The following NLRP7 variants were observed in gnomAD, a reference collection of about 807,000 sequenced individuals.
The protein encoded by NLRP7 is NACHT, LRR and PYD domains-containing protein 7.
A neutral mutation model predicts 85.5 loss-of-function variants in NLRP7; 72 were observed. The ratio of observed to expected loss-of-function variants is 0.84; its 90% CI spans 0.70 to 1.02. The LOEUF is 1.02. Ranked by LOEUF, NLRP7 falls within the 50% of genes least tolerant of loss-of-function variation. NLRP7 has a pLI of 0.00. For missense variants in NLRP7, 1,243 were observed against 1,219.5 expected, an observed-to-expected ratio of 1.02 and a Z score of -0.29; for synonymous variants, 550 against 505.2, an observed-to-expected ratio of 1.09 and a Z score of -1.19.
At chr19:54,941,097 C>T (rs2069200754) in intron 2 of NLRP7, 92 bp from the exon 3 acceptor site, 2 of 957,864 alleles carry the variant, frequency 2.1e-6, no homozygotes, top group South Asian at 1.3e-5. Flanking sequence ...GGCATGGTGG[C>T]TCATGCCTGT....
At chr19:54,947,770 G>T, upstream of NLRP7, 2 of 682,592 alleles carry the variant, frequency 2.9e-6, no homozygotes, top group South Asian at 1.5e-5. Context: ...TAGACCACCC[G>T]GGCCAGGTGT....
In NLRP7 at chr19:54,927,521, A is replaced by C. The variant is rs530927822; in HGVS notation, c.2810+2978T>G. On this transcript the variant is annotated intron_variant, in intron 9 of 9. Coordinates refer to ENST00000340844, the Ensembl canonical transcript of NLRP7. ...CGGTGAGCCAAGATTGCGCCACTGC[A>C]CTCCAGCCTGAATGACAGAGCACGA... 2.1e-4 allele frequency: 295 copies of C among 1,386,756 alleles called. No homozygotes were observed. In the African/African-American group the frequency reaches 3.6e-3, roughly 17 times the overall value. The allele number at this position is 1,386,756 out of a possible 1,614,324, so 85.9% of individuals were successfully genotyped here. A position where few individuals can be genotyped will look rare whatever the true frequency, so the allele number is the denominator to read the frequency against.
At chr19:54,924,004 G>T in intron 9 of NLRP7, 132 bp from the exon 11 acceptor site, 2 of 977,538 alleles carry the variant, frequency 2.0e-6, no homozygotes, top group Non-Finnish European at 3.1e-6. Context: ...GTCTTGCTCT[G>T]TTGCCCAGGC....
intron 9 of NLRP7, among the ~76,000 whole-genome samples, chr19:54,926,234 G>GCA (rs1569538880): frequency 6.7e-6 from 1 of 149,168 alleles, no homozygotes; most frequent in Non-Finnish European, 1.5e-5. Flanking sequence ...GTGTGCTCAT[G>GCA]CACACACATA....
chr19:54,964,304 C>T (rs1473578051), intron 1 of NLRP7, among the ~76,000 whole-genome samples: 1 of 144,192 alleles, frequency 6.9e-6, no homozygotes, highest in African/African-American at 2.6e-5. Flanking sequence ...GCAAGCTCCG[C>T]CTCCCGGGTT....
exon 2 of NLRP7, chr19:54,941,619 A>G (rs769623747): frequency 1.2e-6 from 2 of 1,614,026 alleles, no homozygotes; most frequent in Admixed American, 3.3e-5. Flanking sequence ...CGAGGGGAAA[A>G]GCCCATAAAA....
At chr19:54,957,947 G>A (rs1010896839) in intron 1 of NLRP7, among the ~76,000 whole-genome samples, 2 of 152,088 alleles carry the variant, frequency 1.3e-5, no homozygotes, top group African/African-American at 4.8e-5. Flanking sequence ...CGGGCACGGT[G>A]TCTCACGCCT....
chr19:54,940,947 C>G lies in NLRP7; in HGVS notation c.336G>C (p.Ser112=), dbSNP rs766338217. The G allele has an allele frequency of 4.0e-5, 65 of 1,611,892 alleles. No individual in the cohort carries two copies. In the South Asian group the frequency reaches 6.7e-4, roughly 17 times the overall value. Reference sequence around the variant, plus strand: ...TTTACCCACCTGGCTTTGCTAACTCCGAGTCTTCTTCTGCATCTCCCAGCT... The same window carrying G: ...TTTACCCACCTGGCTTTGCTAACTCGGAGTCTTCTTCTGCATCTCCCAGCT... Residue 112 remains serine, a synonymous_variant, in exon 3 of 10, where the codon TCG becomes TCC. Coordinates refer to ENST00000340844, the Ensembl canonical transcript of NLRP7.
At chr19:54,952,651 C>T (rs1428586933) in intron 1 of NLRP7, among the ~76,000 whole-genome samples, 1 of 151,934 alleles carries the variant, frequency 6.6e-6, no homozygotes, top group Non-Finnish European at 1.5e-5. Flanking sequence ...GAGGTTTCCT[C>T]CCATCTCCTC....
exon 2 of NLRP7, chr19:54,941,435 C>G: frequency 1.3e-6 from 2 of 1,557,212 alleles, no homozygotes; most frequent in Non-Finnish European, 1.8e-6. Flanking sequence ...TTCTACTTAC[C>G]CATCATCTCA....
chr19:54,961,011 G>T (rs940734815), intron 1 of NLRP7, among the ~76,000 whole-genome samples: 21 of 152,156 alleles, frequency 1.4e-4, no homozygotes, highest in African/African-American at 5.1e-4. Context: ...CTGAGTGGTG[G>T]TGAAATTGCT....
chr19:54,954,493 G>GCA (rs1251842879), intron 1 of NLRP7, among the ~76,000 whole-genome samples: 2 of 115,046 alleles, frequency 1.7e-5, no homozygotes, highest in African/African-American at 7.4e-5. Context: ...TAGTGCCACT[G>GCA]CACTCTGGCC....
chr19:54,958,568 C>T (rs911368752), intron 1 of NLRP7, among the ~76,000 whole-genome samples: 1 of 152,018 alleles, frequency 6.6e-6, no homozygotes. Context: ...TCGCTTGAAC[C>T]CGGGAGGCAA....
chr19:54,938,150 T>C (rs778353219), exon 5 of NLRP7: 1 of 1,614,064 alleles, frequency 6.2e-7, no homozygotes, highest in Non-Finnish European at 8.5e-7. Context: ...TTGAGGTTGC[T>C]GTTTGAGCTG....
chr19:54,939,625 G>A, exon 4 of NLRP7: 1 of 1,611,132 alleles, frequency 6.2e-7, no homozygotes, highest in Non-Finnish European at 8.5e-7. Context: ...ACCGGCTGCA[G>A]AGGAAACGCA....
At chr19:54,950,944 C>T (rs1257238075), upstream of NLRP7, among the ~76,000 whole-genome samples, 1 of 152,236 alleles carries the variant, frequency 6.6e-6, no homozygotes, top group Non-Finnish European at 1.5e-5. Flanking sequence ...GCAGAGGTCC[C>T]TGCGGCCTTC....
In NLRP7 at chr19:54,938,863, C is replaced by T. The variant is rs756579285; in HGVS notation, c.1931+25G>A. The T allele has an allele frequency of 5.0e-6, 8 of 1,612,258 alleles. No individual in the cohort carries two copies. In the Admixed American group the frequency reaches 1.0e-4, roughly 20 times the overall value. ...AGACGCTGGCCTCTTCCTAGTGGAG[C>T]GTGGGATGGGAAAACAGTTCTTACC... On this transcript the variant is annotated intron_variant, in intron 4 of 9. Coordinates refer to ENST00000340844, the Ensembl canonical transcript of NLRP7.
rs147765163 is a variant in NLRP7, at chr19:54,934,988, C to T, written c.2301-329G>A. ...CTGGGATTACAGGTGTGAGCCACCG[C>T]GCCTGGCCCAGATCAGCTTCTTCTG... On this transcript the variant is annotated intron_variant, in intron 6 of 9. Coordinates refer to ENST00000340844, the Ensembl canonical transcript of NLRP7. This position sits in a 1 kb window ranked among gnomAD's most constrained non-coding sequence, Gnocchi z 6.7. 1.2e-3 allele frequency among the ~76,000 whole-genome samples: 181 copies of T among 152,248 alleles called. 3 individuals carry two copies. The East Asian group carries it at 0.025, about 21-fold the overall frequency.
At chr19:54,943,610 G>A (rs367857940) in intron 1 of NLRP7, among the ~76,000 whole-genome samples, 20 of 144,116 alleles carry the variant, frequency 1.4e-4, no homozygotes, top group African/African-American at 5.6e-4. Flanking sequence ...GGGTTGGGGG[G>A]GCGGGGGGAA....
Sources: allele counts gnomAD v4.1 joint callset (sites outside exome capture counted in the v4.1 genomes callset), GRCh38; gene constraint gnomAD v4.1.1; non-coding constraint Gnocchi (gnomAD v3.1); transcripts MANE v1.5; gene names NCBI Gene and HGNC (gene_info 2026-07-23, HGNC 2026-07-21).